The following ZNF83 variants were observed in gnomAD, a reference collection of about 807,000 sequenced individuals.
ZNF83 encodes the protein zinc finger protein 83, also known as zinc finger protein 816B.
For synonymous variants in ZNF83, 209 were observed against 213.0 expected (o/e 0.98, Z 0.17); for missense variants, 552 against 629.9 (o/e 0.88, Z 1.32).
In ZNF83 at chr19:52,684,175, C is replaced by T. The variant is rs141963976; in HGVS notation, c.-283+6268G>A. 9.1e-3 allele frequency among the ~76,000 whole-genome samples: 1,380 copies of T among 152,128 alleles called. 23 individuals carry two copies. The highest frequency in any genetic ancestry group is 0.031 in the African/African-American group (1,279 of 41,526). On this transcript the variant is annotated intron_variant, in intron 1 of 5. Transcript: ENST00000594682. ...CTTGAGGTCAGGAGTTTGAGACCAG[C>T]CTGGCCAACATCGTGAAACTGCATC... is the stretch of plus-strand genomic sequence containing the variant.
intron 1 of ZNF83, 129 bp downstream of exon 1, chr19:52,638,183 G>A (rs1600212238): frequency 6.6e-6 from 1 of 152,354 alleles, no homozygotes; most frequent in Non-Finnish European, 1.5e-5. Context: ...ACTCTCATGG[G>A]GACGTCTCAA....
At chr19:52,683,853 G>A (rs1166255563) in intron 1 of ZNF83, among the ~76,000 whole-genome samples, 1 of 152,154 alleles carries the variant, frequency 6.6e-6, no homozygotes, top group Non-Finnish European at 1.5e-5. Flanking sequence ...CAACCCCAGA[G>A]TAGGTGCTGC....
At chr19:52,614,573 T>C (rs201496766) in exon 3 of ZNF83, 1 of 1,569,506 alleles carries the variant, frequency 6.4e-7, no homozygotes, top group Non-Finnish European at 8.7e-7. Flanking sequence ...ATGTCTCTTC[T>C]ACCAATGAGA....
intron 1 of ZNF83, among the ~76,000 whole-genome samples, chr19:52,673,425 C>A (rs2061753719): frequency 6.6e-6 from 1 of 151,866 alleles, no homozygotes; most frequent in Non-Finnish European, 1.5e-5. Context: ...ATCATTTGAG[C>A]CAAGAAGGCA....
exon 3 of ZNF83, chr19:52,613,354 T>A (rs750164922): frequency 6.2e-7 from 1 of 1,613,778 alleles, no homozygotes; most frequent in Non-Finnish European, 8.5e-7. Context: ...GCCACATTCA[T>A]CACATTTGTA....
At position 52,686,023 on chromosome 19, in the gene ZNF83, T is replaced by A. The variant is rs561828253; in HGVS notation, c.-283+4420A>T. On this transcript the variant is annotated intron_variant, in intron 1 of 5. Transcript: ENST00000594682. Reference sequence around the variant, plus strand: ...GAGGGCCTTGAGGGAAACATGAACTTAATAGCTCCCAGCTCAAGATTTTAA... The same window carrying A: ...GAGGGCCTTGAGGGAAACATGAACTAAATAGCTCCCAGCTCAAGATTTTAA... Among the ~76,000 whole-genome samples the A allele has an allele frequency of 6.6e-5, 10 of 152,062 alleles. No homozygotes were observed. The East Asian group carries it at 1.9e-3, about 29-fold the overall frequency.
intron 1 of ZNF83, among the ~76,000 whole-genome samples, chr19:52,674,470 G>T (rs1016458761): frequency 3.3e-5 from 5 of 152,170 alleles, no homozygotes; most frequent in Admixed American, 1.3e-4. Flanking sequence ...AAATCAGAAA[G>T]AAATAAATAA....
intron 1 of ZNF83, among the ~76,000 whole-genome samples, chr19:52,688,675 A>G (rs6509673): frequency 0.7 from 105,658 of 151,526 alleles, 38,285 homozygotes; most frequent in African/African-American, 0.91. Flanking sequence ...CTTATCTAAC[A>G]TCTTGCTGCT....
At chr19:52,675,793 A>G (rs886563140) in intron 1 of ZNF83, among the ~76,000 whole-genome samples, 1 of 152,228 alleles carries the variant, frequency 6.6e-6, no homozygotes, top group African/African-American at 2.4e-5. Context: ...CCACTAGGAT[A>G]GACCAAATCT....
intron 1 of ZNF83, among the ~76,000 whole-genome samples, chr19:52,677,552 T>TA (rs1414201751): frequency 6.6e-6 from 1 of 151,752 alleles, no homozygotes; most frequent in Non-Finnish European, 1.5e-5. Context: ...AAAGCAGTTT[T>TA]ACGTCTCTTA....
chr19:52,625,923 C>T (rs2060720928), intron 2 of ZNF83, among the ~76,000 whole-genome samples: 1 of 152,102 alleles, frequency 6.6e-6, no homozygotes, highest in African/African-American at 2.4e-5. Context: ...TCTTTTAGCA[C>T]TTCTTCTCAT....
At chr19:52,629,097 A>G (rs2060854869) in intron 2 of ZNF83, among the ~76,000 whole-genome samples, 1 of 151,078 alleles carries the variant, frequency 6.6e-6, no homozygotes, top group Non-Finnish European at 1.5e-5. Context: ...AACCTCTTCA[A>G]CTCTCACCTG....
intron 1 of ZNF83, among the ~76,000 whole-genome samples, chr19:52,684,140 T>G (rs949905332): frequency 1.3e-5 from 2 of 151,956 alleles, no homozygotes; most frequent in Non-Finnish European, 2.9e-5. Context: ...AGGCCGAGGC[T>G]GGTGGATCAC....
exon 2 of ZNF83, chr19:52,660,800 T>C (rs1350603298): frequency 4.8e-5 from 10 of 210,022 alleles, no homozygotes; most frequent in Non-Finnish European, 6.2e-5. Flanking sequence ...TCTTTGGTCT[T>C]CTTGGTGGCT....
intron 2 of ZNF83, among the ~76,000 whole-genome samples, chr19:52,630,997 T>A (rs1089759): frequency 0.79 from 114,195 of 144,202 alleles, 46,023 homozygotes; most frequent in African/African-American, 0.94. Context: ...CTGCCTCTAC[T>A]ACCCATTATT....
chr19:52,656,641 G>T (rs1272442865), intron 2 of ZNF83, among the ~76,000 whole-genome samples: 1 of 152,160 alleles, frequency 6.6e-6, no homozygotes, highest in Non-Finnish European at 1.5e-5. Flanking sequence ...GCTGAGGCAT[G>T]TGGATCACAA....
chr19:52,625,428 G>A (rs2060703739), intron 2 of ZNF83, among the ~76,000 whole-genome samples: 2 of 151,840 alleles, frequency 1.3e-5, no homozygotes, highest in Non-Finnish European at 2.9e-5. Flanking sequence ...CCCATATTTG[G>A]ACTCCCCACA....
At chr19:52,683,226 CTCTGTGTGTGTGTGTGTG>C (rs1294037868) in intron 1 of ZNF83, among the ~76,000 whole-genome samples, 25 of 135,768 alleles carry the variant, frequency 1.8e-4, no homozygotes, top group South Asian at 7.5e-4. Context: ...TGCCCTGTGA[CTCTGTGTGTGTGTGTGTG>C]TGTGTGTGTG....
chr19:52,669,169 A>G (rs981776873), intron 1 of ZNF83, among the ~76,000 whole-genome samples: 12 of 152,184 alleles, frequency 7.9e-5, no homozygotes, highest in Non-Finnish European at 1.2e-4. Flanking sequence ...CTTTAGTCCA[A>G]TTGGCTATCC....
Sources: gnomAD v4.1 joint callset for allele counts (sites outside exome capture counted in the v4.1 genomes callset) on GRCh38, gnomAD v4.1.1 for gene constraint, MANE v1.5 for transcripts, NCBI Gene and HGNC (gene_info 2026-07-23, HGNC 2026-07-21) for gene names.